Variants in RRAS2 observed in about 807,000 individuals in gnomAD.
RRAS2 encodes the protein RAS related 2.
Under a neutral mutation model 27.6 loss-of-function variants are expected in RRAS2, and 7 were observed. That is an observed-to-expected ratio of 0.25 (90% CI 0.14 to 0.48). The LOEUF (loss-of-function observed/expected upper bound fraction) is 0.48, where lower values mean the gene tolerates loss of function less well. Among genes scored for constraint, RRAS2 ranks in the 20% least tolerant of loss-of-function variants. The pLI is 0.99. For missense variants in RRAS2, 178 were observed against 256.2 expected (o/e 0.69, Z 2.08); for synonymous variants, 86 against 90.9 (o/e 0.95, Z 0.31).
intron 1 of RRAS2, among the ~76,000 whole-genome samples, chr11:14,337,585 T>G (rs1441335483): frequency 6.6e-6 from 1 of 152,220 alleles, no homozygotes; most frequent in Non-Finnish European, 1.5e-5. Context: ...TTGTAGTATA[T>G]GGTTGTAATT....
chr11:14,290,454 G>A (rs556013608), intron 4 of RRAS2, among the ~76,000 whole-genome samples: 2 of 151,720 alleles, frequency 1.3e-5, no homozygotes, highest in South Asian at 2.1e-4. Flanking sequence ...TTTCAGGGGG[G>A]AAAAAAAAGG....
chr11:14,322,982 G>C (rs1431377), intron 1 of RRAS2, among the ~76,000 whole-genome samples: 3,979 of 152,234 alleles, frequency 0.026, 84 homozygotes, highest in Middle Eastern at 0.037. Context: ...ACTAAAAAGC[G>C]TATCTCTTCA....
chr11:14,349,615 T>C (rs781953328), intron 1 of RRAS2, among the ~76,000 whole-genome samples: 1 of 152,188 alleles, frequency 6.6e-6, no homozygotes, highest in African/African-American at 2.4e-5. Flanking sequence ...TATATTTACT[T>C]ATTTGCTTAT....
At chr11:14,281,316 A>G (rs1849529413) in intron 5 of RRAS2, among the ~76,000 whole-genome samples, 1 of 152,222 alleles carries the variant, frequency 6.6e-6, no homozygotes, top group Admixed American at 6.5e-5. Flanking sequence ...TTAGCACAGA[A>G]GCTGGCAGAG....
At chr11:14,288,143 A>T (rs562841060) in intron 4 of RRAS2, among the ~76,000 whole-genome samples, 1 of 151,148 alleles carries the variant, frequency 6.6e-6, no homozygotes, top group Non-Finnish European at 1.5e-5. Flanking sequence ...ACCATGCCTA[A>T]TTTTTTTTTA....
Position 14,319,208 on chromosome 11 carries a change from A to T in RRAS2, c.109-23353T>A, listed in dbSNP as rs79299092. Reference sequence around the variant, plus strand: ...GGAGTAACATGTCCAGATTTTCTCAAATCCATCTCCCCATACACCTCCGTC... The same window carrying T: ...GGAGTAACATGTCCAGATTTTCTCATATCCATCTCCCCATACACCTCCGTC... On this transcript the variant is annotated intron_variant, in intron 1 of 5. Coordinates refer to ENST00000256196, the MANE Select transcript of RRAS2 (RefSeq NM_012250.6). 4.2e-3 allele frequency among the ~76,000 whole-genome samples: 641 copies of T among 152,314 alleles called. 2 individuals are homozygous for T. Among genetic ancestry groups the T allele is most frequent in the African/African-American group, 0.014 (594 of 41,558 alleles).
chr11:14,349,973 AG>A (rs1354216913), intron 1 of RRAS2, among the ~76,000 whole-genome samples: 3 of 152,208 alleles, frequency 2.0e-5, no homozygotes, highest in Admixed American at 2.0e-4. Context: ...AAAGTCAGAA[AG>A]GTATCCTCAG....
intron 1 of RRAS2, among the ~76,000 whole-genome samples, chr11:14,352,754 TATAGAGAGAG>T (rs1848984528): frequency 8.4e-6 from 1 of 118,680 alleles, no homozygotes; most frequent in Non-Finnish European, 1.8e-5. Context: ...AATATATATA[TATAGAGAGAG>T]AGAGAGAGAG....
In RRAS2 at chr11:14,358,715, C is replaced by A; in HGVS notation, c.108+48G>T. On this transcript the variant is annotated intron_variant, in intron 1 of 5. Coordinates refer to ENST00000256196, the MANE Select transcript of RRAS2 (RefSeq NM_012250.6). This position sits in a 1 kb window ranked among gnomAD's most constrained non-coding sequence, Gnocchi z 5.1. ...CCGCCCCGCCACAGGTAGCGCCAGC[C>A]CCCGCCCGCCGCCGCTCCGGCGCCC... 8.5e-7 allele frequency: 1 copy of A among 1,175,514 alleles called. No individual in the cohort carries two copies. Among genetic ancestry groups the A allele is most frequent in the South Asian group, 3.1e-5 (1 of 31,938 alleles). 72.8% of individuals were successfully genotyped at this position (1,175,514 alleles called of 1,614,324 possible).
At chr11:14,321,840 G>A (rs1848228874) in intron 1 of RRAS2, among the ~76,000 whole-genome samples, 1 of 151,848 alleles carries the variant, frequency 6.6e-6, no homozygotes, top group South Asian at 2.1e-4. Context: ...GCATTTAAAA[G>A]GTATATTTAA....
At chr11:14,361,125 C>T (rs571190738), upstream of RRAS2, among the ~76,000 whole-genome samples, 1 of 151,674 alleles carries the variant, frequency 6.6e-6, no homozygotes, top group Middle Eastern at 3.4e-3. Context: ...CCCGTCTCTA[C>T]AAAAAATTAC....
At chr11:14,327,441 A>T (rs1182671107) in intron 1 of RRAS2, among the ~76,000 whole-genome samples, 1 of 152,222 alleles carries the variant, frequency 6.6e-6, no homozygotes, top group Non-Finnish European at 1.5e-5. Flanking sequence ...GATGGAGAGA[A>T]AGAAAAACAA....
rs781788778 is a variant in RRAS2, at chr11:14,294,582, T to TA, written c.300-4dup. The TA allele has an allele frequency of 0.019, 21,329 of 1,144,946 alleles. 1 individual carries two copies. Among genetic ancestry groups the TA allele is most frequent in the Non-Finnish European group, 0.02 (17,132 of 838,440 alleles). 70.9% of individuals were successfully genotyped at this position (1,144,946 alleles called of 1,614,324 possible). A position where few individuals can be genotyped will look rare whatever the true frequency, so the allele number is the denominator to read the frequency against. ...GAAACTTATAGATTTCTTCAAAACT[T>TA]AAAAAAAAAAAATCAAAAACAAATT... is the stretch of plus-strand genomic sequence containing the variant. On this transcript the variant is annotated splice_region_variant and splice_polypyrimidine_tract_variant and intron_variant, in intron 3 of 5. Coordinates refer to ENST00000256196, the MANE Select transcript of RRAS2 (RefSeq NM_012250.6).
chr11:14,359,976 C>A (rs1849166515), upstream of RRAS2, among the ~76,000 whole-genome samples: 1 of 152,192 alleles, frequency 6.6e-6, no homozygotes, highest in African/African-American at 2.4e-5. Flanking sequence ...TCTTGGACTT[C>A]ACTTGGTAAC....
At chr11:14,338,405 T>C (rs536479054) in intron 1 of RRAS2, among the ~76,000 whole-genome samples, 1 of 152,344 alleles carries the variant, frequency 6.6e-6, no homozygotes, top group African/African-American at 2.4e-5. Flanking sequence ...ACATGAGTTA[T>C]CCTGGGGGAT....
chr11:14,349,682 A>C (rs138017193), intron 1 of RRAS2, among the ~76,000 whole-genome samples: 6 of 152,248 alleles, frequency 3.9e-5, no homozygotes, highest in African/African-American at 1.4e-4. Context: ...ACAACAACAA[A>C]AACCAAAAAT....
chr11:14,338,069 A>C (rs1848622917), intron 1 of RRAS2, among the ~76,000 whole-genome samples: 1 of 152,212 alleles, frequency 6.6e-6, no homozygotes, highest in South Asian at 2.1e-4. Context: ...TATAGTGAGA[A>C]TATTTAAAAG....
intron 1 of RRAS2, chr11:14,356,899 T>C (rs576626749): frequency 5.3e-6 from 2 of 380,192 alleles, no homozygotes; most frequent in Non-Finnish European, 1.0e-5. Context: ...GCGATTCTAC[T>C]GCCTCAGCCT....
chr11:14,349,685 C>A (rs1848911299), intron 1 of RRAS2, among the ~76,000 whole-genome samples: 2 of 152,088 alleles, frequency 1.3e-5, no homozygotes, highest in Admixed American at 1.3e-4. Flanking sequence ...ACAACAAAAA[C>A]CAAAAATTCT....
Sources: allele counts gnomAD v4.1 joint callset (sites outside exome capture counted in the v4.1 genomes callset), GRCh38; gene constraint gnomAD v4.1.1; non-coding constraint Gnocchi (gnomAD v3.1); transcripts MANE v1.5; gene names NCBI Gene and HGNC (gene_info 2026-07-23, HGNC 2026-07-21).